FER1L6: variants seen among roughly 807,000 people sequenced by gnomAD.
FER1L6 encodes the protein fer-1-like protein 6.
FER1L6 carries 177 observed loss-of-function variants against 219.2 expected under a neutral mutation model. The ratio of observed to expected loss-of-function variants is 0.81; its 90% CI spans 0.71 to 0.91. FER1L6 has a LOEUF of 0.91. Ranked by LOEUF, FER1L6 falls within the 40% of genes least tolerant of loss-of-function variation. The pLI is 0.00. For synonymous variants in FER1L6, 768 were observed against 824.3 expected (o/e 0.93, Z 1.17); for missense variants, 2,153 against 2,259.9 (o/e 0.95, Z 0.96).
At chr8:124,094,791 G>T in intron 34 of FER1L6, 105 bp from the exon 35 acceptor site, 2 of 1,296,590 alleles carry the variant, frequency 1.5e-6, no homozygotes. Flanking sequence ...CCAGCCCCTT[G>T]GTACATTTAA....
At chr8:124,067,670 T>C in intron 27 of FER1L6, 97 bp from the exon 28 acceptor site, 1 of 1,068,006 alleles carries the variant, frequency 9.4e-7, no homozygotes, top group South Asian at 1.4e-5. Context: ...TCTTTTAAAA[T>C]AGTGTCTCTG....
intron 27 of FER1L6, among the ~76,000 whole-genome samples, chr8:124,066,779 G>A (rs1450021370): frequency 6.6e-6 from 1 of 152,172 alleles, no homozygotes; most frequent in African/African-American, 2.4e-5. Context: ...AAGCTCTGCT[G>A]TAAATACTGG....
chr8:123,918,031 C>T (rs1813239459), intron 1 of FER1L6, among the ~76,000 whole-genome samples: 1 of 152,210 alleles, frequency 6.6e-6, no homozygotes, highest in East Asian at 1.9e-4. Context: ...AAATACAGGC[C>T]GGGCCTAGTG....
chr8:124,055,372 C>G (rs1022190369), intron 22 of FER1L6, among the ~76,000 whole-genome samples: 1 of 151,546 alleles, frequency 6.6e-6, no homozygotes, highest in Non-Finnish European at 1.5e-5. Flanking sequence ...AAGACCCTGT[C>G]TTGAAAAAAA....
chr8:123,857,323 G>A (rs1411081086), intron 1 of FER1L6, among the ~76,000 whole-genome samples: 1 of 152,086 alleles, frequency 6.6e-6, no homozygotes, highest in Non-Finnish European at 1.5e-5. Context: ...CAGCATGGGT[G>A]ACAGAGACTC....
At chr8:124,012,204 A>G (rs539607137) in intron 14 of FER1L6, among the ~76,000 whole-genome samples, 54 of 152,324 alleles carry the variant, frequency 3.5e-4, no homozygotes, top group African/African-American at 1.3e-3. Context: ...TTTGCTTTAT[A>G]ATCCTTGTCT....
rs1006016896 is a variant in FER1L6 at position 124,111,776 on chromosome 8, G to A, written c.5290-7068G>A. 6.6e-5 allele frequency among the ~76,000 whole-genome samples: 10 copies of A among 152,138 alleles called. No individual in the cohort carries two copies. The highest frequency in any genetic ancestry group is 4.2e-4 in the South Asian group (2 of 4,810). The stretch of plus-strand genomic sequence containing the variant: ...GTTCTCTGGTCGGTGGGTTTTGGCC[G>A]GCTTCTTTACTGCAACCTGTTTTAT... On this transcript the variant is annotated intron_variant, in intron 39 of 40. Coordinates refer to ENST00000522917, the MANE Select transcript of FER1L6 (RefSeq NM_001039112.2). The surrounding 1 kb of genome is among the most constrained non-coding windows in gnomAD (Gnocchi z 5.0).
chr8:123,956,087 G>C lies in FER1L6; in HGVS notation c.76+13G>C. The C allele has an allele frequency of 6.2e-7, 1 of 1,605,862 alleles. No individual in the cohort carries two copies. The highest frequency in any genetic ancestry group is 1.7e-5 in the Admixed American group (1 of 59,110). ...AAGGCTGCGAAAGGTGAGGCTGGGGGTGGGGTGCTGACCATTGGGGCCTGA... is the reference window on the plus strand; with the variant it reads ...AAGGCTGCGAAAGGTGAGGCTGGGGCTGGGGTGCTGACCATTGGGGCCTGA... On this transcript the variant is annotated intron_variant, in intron 2 of 40. Transcript: ENST00000522917.
At chr8:124,094,363 A>C (rs1822183186) in intron 34 of FER1L6, among the ~76,000 whole-genome samples, 1 of 151,974 alleles carries the variant, frequency 6.6e-6, no homozygotes, top group Non-Finnish European at 1.5e-5. Flanking sequence ...CCTCTTGTGA[A>C]CTAGTCTTAT....
chr8:123,941,465 G>T (rs569968789), intron 1 of FER1L6, among the ~76,000 whole-genome samples: 71 of 152,286 alleles, frequency 4.7e-4, no homozygotes, highest in African/African-American at 1.6e-3. Context: ...GAAGGAAGGT[G>T]GTGTGGCCAG....
chr8:123,891,245 C>T (rs116507728), intron 1 of FER1L6, among the ~76,000 whole-genome samples: 1,611 of 152,248 alleles, frequency 0.011, 22 homozygotes, highest in African/African-American at 0.037. Context: ...AATCAATTGT[C>T]AGTACTGTAT....
chr8:124,097,289 G>A lies in FER1L6; in HGVS notation c.4714G>A (p.Val1572Met), dbSNP rs1822348085. ...GMEQGRLQMW[V>M]DMFPKDMPQP... ...TAACAAGGGCCGCCTGCAGATGTGG[G>A]TGGACATGTTTCCCAAGGATATGCC... The change falls in exon 36 of 41, where the codon GTG becomes ATG. Residue 1572 changes from valine (V) to methionine (M), a missense_variant. Transcript: ENST00000522917. 6.2e-7 allele frequency: 1 copy of A among 1,613,334 alleles called. No homozygotes were observed. Among genetic ancestry groups the A allele is most frequent in the Non-Finnish European group, 8.5e-7 (1 of 1,179,568 alleles).
At chr8:123,937,819 C>T (rs1188700188) in intron 1 of FER1L6, among the ~76,000 whole-genome samples, 4 of 151,722 alleles carry the variant, frequency 2.6e-5, no homozygotes, top group Non-Finnish European at 5.9e-5. Flanking sequence ...AATTGATGGG[C>T]CTTGTTCAAA....
chr8:123,879,884 TC>T (rs946602601), intron 1 of FER1L6, among the ~76,000 whole-genome samples: 1 of 152,132 alleles, frequency 6.6e-6, no homozygotes, highest in African/African-American at 2.4e-5. Flanking sequence ...AAGCTGTTTG[TC>T]CATTGGATGC....
chr8:123,926,889 C>A (rs181274099), intron 1 of FER1L6, among the ~76,000 whole-genome samples: 150 of 152,072 alleles, frequency 9.9e-4, no homozygotes, highest in African/African-American at 3.5e-3. Flanking sequence ...CTACTTAATT[C>A]TCTCTCTCTC....
chr8:123,895,199 A>G (rs1221458442), intron 1 of FER1L6, among the ~76,000 whole-genome samples: 1 of 152,252 alleles, frequency 6.6e-6, no homozygotes, highest in East Asian at 1.9e-4. Flanking sequence ...ATGTTTTACA[A>G]CATTAGTGAC....
At chr8:124,078,544 A>T (rs149219065) in intron 32 of FER1L6, among the ~76,000 whole-genome samples, 43 of 152,308 alleles carry the variant, frequency 2.8e-4, no homozygotes, top group South Asian at 8.3e-4. Context: ...AATTACTGGG[A>T]ATCCACCATG....
rs545900098 is a variant in FER1L6, at chr8:124,020,184, G to T, written c.2014-1366G>T. Among the ~76,000 whole-genome samples, 11 of 152,248 alleles carry T rather than the reference G, an allele frequency of 7.2e-5. 1 individual carries two copies. In the South Asian group the frequency reaches 2.3e-3, roughly 32 times the overall value. ...TTGCCTGCTGCCATCCATGTAAGAC[G>T]TGACTTGCTCCTCCTTGCCTTCCCC... On this transcript the variant is annotated intron_variant, in intron 16 of 40. Coordinates refer to ENST00000522917, the MANE Select transcript of FER1L6 (RefSeq NM_001039112.2).
intron 7 of FER1L6, among the ~76,000 whole-genome samples, chr8:123,974,197 A>G (rs1294904189): frequency 6.6e-6 from 1 of 152,194 alleles, no homozygotes; most frequent in Non-Finnish European, 1.5e-5. Flanking sequence ...TGTGGGGGCC[A>G]GACAGGGAGC....
Sources: allele counts gnomAD v4.1 joint callset (sites outside exome capture counted in the v4.1 genomes callset), GRCh38; gene constraint gnomAD v4.1.1; non-coding constraint Gnocchi (gnomAD v3.1); transcripts MANE v1.5; gene names NCBI Gene and HGNC (gene_info 2026-07-23, HGNC 2026-07-21).